Variants in KANK1 observed in about 807,000 individuals in gnomAD.
The protein encoded by KANK1 is KN motif and ankyrin repeat domains 1.
A neutral mutation model predicts 106.2 loss-of-function variants in KANK1; 109 were observed. The observed-to-expected ratio is 1.03, with a 90% confidence interval of 0.88 to 1.20. KANK1 has a LOEUF of 1.20. Ranked by LOEUF, KANK1 falls within the 50% of genes most tolerant of loss-of-function variation. The pLI is 0.00. For synonymous variants in KANK1, 873 were observed against 652.2 expected, an observed-to-expected ratio of 1.34 and a Z score of -5.16; for missense variants, 2,399 against 1,710.7, an observed-to-expected ratio of 1.40 and a Z score of -7.10.
intron 8 of KANK1, among the ~76,000 whole-genome samples, chr9:739,642 A>T (rs1422022715): frequency 6.6e-6 from 1 of 152,224 alleles, no homozygotes; most frequent in Non-Finnish European, 1.5e-5. Context: ...GGGAAGCTGA[A>T]AACAAGATTT....
intron 2 of KANK1, among the ~76,000 whole-genome samples, chr9:685,256 C>CT (rs1243438365): frequency 6.6e-6 from 1 of 152,140 alleles, no homozygotes; most frequent in Non-Finnish European, 1.5e-5. Flanking sequence ...GCTGGTAGTT[C>CT]TATACGATGA....
chr9:493,041 A>G (rs979507467), intron 3 of KANK1, among the ~76,000 whole-genome samples: 216 of 150,862 alleles, frequency 1.4e-3, no homozygotes, highest in African/African-American at 4.9e-3. Flanking sequence ...AAAAAAAAAA[A>G]AAAAGAAAAG....
intron 2 of KANK1, among the ~76,000 whole-genome samples, chr9:686,433 C>T (rs554960059): frequency 2.0e-5 from 3 of 152,160 alleles, no homozygotes; most frequent in African/African-American, 4.8e-5. Flanking sequence ...GTACCCCAAC[C>T]GGTGCCCCAC....
intron 1 of KANK1, among the ~76,000 whole-genome samples, chr9:584,331 C>A (rs920639615): frequency 2.0e-5 from 3 of 152,098 alleles, no homozygotes; most frequent in African/African-American, 7.2e-5. Flanking sequence ...GTCATGCATA[C>A]ATATAAAAGT....
chr9:507,590 AT>A (rs2058822646), intron 1 of KANK1, among the ~76,000 whole-genome samples: 2 of 122,156 alleles, frequency 1.6e-5, no homozygotes. Context: ...TGGAGTCTCG[AT>A]CTGTTGCCAG....
intron 3 of KANK1, among the ~76,000 whole-genome samples, chr9:497,452 A>ACACACACACACACT (rs2058474485): frequency 6.7e-6 from 1 of 150,210 alleles, no homozygotes; most frequent in African/African-American, 2.5e-5. Flanking sequence ...ACACACTCAC[A>ACACACACACACACT]CTCACACTCT....
intron 1 of KANK1, among the ~76,000 whole-genome samples, chr9:570,651 A>G (rs1818926829): frequency 6.6e-6 from 1 of 152,182 alleles, no homozygotes; most frequent in African/African-American, 2.4e-5. Context: ...TTTTAACACC[A>G]CTTGCCTCCA....
At position 615,793 on chromosome 9, in the gene KANK1, C is replaced by G. The variant is rs191150419; in HGVS notation, c.-83-61097C>G. Among the ~76,000 whole-genome samples the G allele has an allele frequency of 1.0e-3, 152 of 152,272 alleles. 1 individual carries two copies. Among genetic ancestry groups the G allele is most frequent in the Non-Finnish European group, 1.8e-4 (12 of 68,028 alleles). ...ACAGAAGATAGTGGTAGAGGAGATC[C>G]CAAGTGATACCTAACCTAGCTAAAG... On this transcript the variant is annotated intron_variant, in intron 1 of 11. Transcript: ENST00000382297.
chr9:722,480 CCT>C lies in KANK1; in HGVS notation c.2699-7568_2699-7567del, dbSNP rs148781582. Among the ~76,000 whole-genome samples the C allele has an allele frequency of 2.9e-3, 447 of 152,196 alleles. 4 individuals are homozygous for C. Among genetic ancestry groups the C allele is most frequent in the African/African-American group, 0.011 (437 of 41,522 alleles). On this transcript the variant is annotated intron_variant, in intron 3 of 11. Transcript: ENST00000382297. ...GAAACGACTGAATTTTGTTTGTTGG[CCT>C]CTTTGTTCTTTGGCTTTCCTGGCTG...
chr9:599,601 C>G (rs941712973), intron 1 of KANK1, among the ~76,000 whole-genome samples: 1 of 151,848 alleles, frequency 6.6e-6, no homozygotes, highest in African/African-American at 2.4e-5. Flanking sequence ...AGTAACCCAT[C>G]ATACTGATAT....
intron 1 of KANK1, among the ~76,000 whole-genome samples, chr9:656,859 A>G (rs1215905537): frequency 6.6e-6 from 1 of 151,820 alleles, no homozygotes; most frequent in Non-Finnish European, 1.5e-5. Flanking sequence ...AGCACCGTAA[A>G]TGCTACTTCT....
intron 3 of KANK1, among the ~76,000 whole-genome samples, chr9:474,042 C>G (rs1259276210): frequency 7.7e-6 from 1 of 130,256 alleles, no homozygotes; most frequent in Non-Finnish European, 1.5e-5. Context: ...AATGAAGAAG[C>G]TTTCCCCACA....
chr9:577,643 C>A (rs938886561), intron 1 of KANK1, among the ~76,000 whole-genome samples: 1 of 152,128 alleles, frequency 6.6e-6, no homozygotes, highest in African/African-American at 2.4e-5. Flanking sequence ...TCAAAATGTC[C>A]CTTGACCAGA....
At chr9:594,210 C>T (rs1325206231) in intron 1 of KANK1, among the ~76,000 whole-genome samples, 1 of 151,886 alleles carries the variant, frequency 6.6e-6, no homozygotes, top group Non-Finnish European at 1.5e-5. Context: ...GGCTTATCTC[C>T]TTGTTTTAGC....
At chr9:729,852 G>C (rs575521203) in intron 3 of KANK1, among the ~76,000 whole-genome samples, 199 bp from the exon 4 acceptor site, 1 of 152,174 alleles carries the variant, frequency 6.6e-6, no homozygotes, top group Non-Finnish European at 1.5e-5. Flanking sequence ...AAGAGGTGCT[G>C]TGGAGTTAGA....
chr9:737,740 TGAG>T (rs1334124587), intron 7 of KANK1, among the ~76,000 whole-genome samples: 4 of 152,202 alleles, frequency 2.6e-5, no homozygotes, highest in Non-Finnish European at 5.9e-5. Context: ...AGTGCTGTGC[TGAG>T]GAGTTGAAGG....
intron 1 of KANK1, among the ~76,000 whole-genome samples, chr9:623,788 A>C (rs777517523): frequency 6.6e-6 from 1 of 152,128 alleles, no homozygotes; most frequent in African/African-American, 2.4e-5. Flanking sequence ...CTTGTACGCT[A>C]TTAGGGTGAA....
intron 3 of KANK1, among the ~76,000 whole-genome samples, chr9:724,511 C>T (rs1025942529): frequency 6.6e-6 from 1 of 152,128 alleles, no homozygotes; most frequent in African/African-American, 2.4e-5. Context: ...AAAGAGTGTT[C>T]TGGCGGCCAG....
At chr9:731,525 C>A (rs924778446) in intron 5 of KANK1, 7 of 288,240 alleles carry the variant, frequency 2.4e-5, no homozygotes, top group Non-Finnish European at 4.6e-5. Context: ...AAGAAATAGT[C>A]TTCAGCGAAC....
Sources: allele counts gnomAD v4.1 joint callset (sites outside exome capture counted in the v4.1 genomes callset), GRCh38; gene constraint gnomAD v4.1.1; transcripts MANE v1.5; gene names NCBI Gene and HGNC (gene_info 2026-07-23, HGNC 2026-07-21).